The following LIMS1 variants were observed in gnomAD, a reference collection of about 807,000 sequenced individuals.
LIMS1 encodes LIM and senescent cell antigen-like-containing domain protein 1.
Under a neutral mutation model 44.1 loss-of-function variants are expected in LIMS1, and 18 were observed. The observed-to-expected ratio is 0.41, with a 90% CI of 0.28 to 0.61. LIMS1 has a LOEUF of 0.61. Ranked by LOEUF, LIMS1 falls within the 20% of genes least tolerant of loss-of-function variation. The probability of loss-of-function intolerance (pLI) is 0.32; values close to 1 mark genes in which losing one functional copy is unlikely to be tolerated. For synonymous variants in LIMS1, 93 were observed against 149.1 expected (o/e 0.62, Z 2.74); for missense variants, 201 against 422.0 (o/e 0.48, Z 4.59).
At chr2:108,643,710 A>G (rs192756241) in intron 1 of LIMS1, among the ~76,000 whole-genome samples, 1 of 152,292 alleles carries the variant, frequency 6.6e-6, no homozygotes, top group Admixed American at 6.5e-5. Flanking sequence ...CAGGGAGCCA[A>G]GAGGTCTGGC....
chr2:108,597,634 T>A (rs1408718685), intron 1 of LIMS1, among the ~76,000 whole-genome samples: 1 of 152,034 alleles, frequency 6.6e-6, no homozygotes, highest in Non-Finnish European at 1.5e-5. Flanking sequence ...ACTAAAAGAA[T>A]TTCTTTGTGC....
intron 1 of LIMS1, among the ~76,000 whole-genome samples, chr2:108,626,410 A>C (rs1486268391): frequency 6.6e-6 from 1 of 152,050 alleles, no homozygotes; most frequent in Non-Finnish European, 1.5e-5. Context: ...AAAGAGAAAA[A>C]CCACTTGCTA....
At chr2:108,674,203 G>A (rs938268883) in intron 5 of LIMS1, among the ~76,000 whole-genome samples, 6 of 151,912 alleles carry the variant, frequency 3.9e-5, no homozygotes, top group African/African-American at 7.3e-5. Flanking sequence ...GGTGGCGGGT[G>A]CCTATAGTCC....
At chr2:108,543,637 A>G (rs915439738) in intron 1 of LIMS1, among the ~76,000 whole-genome samples, 105 of 152,206 alleles carry the variant, frequency 6.9e-4, no homozygotes, top group Admixed American at 3.3e-4. Flanking sequence ...AAGTAAATCT[A>G]CTGAGGATCC....
chr2:108,677,814 A>C (rs961407654), intron 7 of LIMS1, among the ~76,000 whole-genome samples, 165 bp from the exon 8 acceptor site: 1 of 152,272 alleles, frequency 6.6e-6, no homozygotes, highest in African/African-American at 2.4e-5. Flanking sequence ...AATTGATGAG[A>C]GTGAATTACT....
chr2:108,551,291 CTA>C (rs893773624), intron 1 of LIMS1, among the ~76,000 whole-genome samples: 27 of 146,346 alleles, frequency 1.8e-4, no homozygotes, highest in African/African-American at 6.0e-4. Context: ...TTCACTCATA[CTA>C]TATATATATA....
At chr2:108,663,719 T>C (rs1244157858) in intron 2 of LIMS1, among the ~76,000 whole-genome samples, 3 of 152,160 alleles carry the variant, frequency 2.0e-5, no homozygotes. Flanking sequence ...ACAAAATGCA[T>C]TAACAGTAAA....
Position 108,672,869 on chromosome 2 carries a change from ACT to A in LIMS1, c.381-8_381-7del. On this transcript the variant is annotated splice_polypyrimidine_tract_variant and intron_variant, in intron 4 of 9. Transcript: ENST00000544547. ...CCTAAAATTTTAAATTTAAGTTTTG[ACT>A]CTGTTTAGACACCTGTGTCGCCCCT... 1 of 676,764 alleles carries A rather than the reference ACT, an allele frequency of 1.5e-6. No homozygotes were observed. Among genetic ancestry groups the A allele is most frequent in the Non-Finnish European group, 2.3e-6 (1 of 435,540 alleles). The allele number at this position is 676,764 out of a possible 1,614,324, so 41.9% of individuals were successfully genotyped here.
At chr2:108,626,707 T>A (rs559040586) in intron 1 of LIMS1, among the ~76,000 whole-genome samples, 2 of 152,226 alleles carry the variant, frequency 1.3e-5, no homozygotes, top group Non-Finnish European at 2.9e-5. Flanking sequence ...CTCTTTACAC[T>A]CTACTTTTTA....
rs1383764092 is a variant in LIMS1 at position 108,601,614 on chromosome 2, T to C, written c.33-57991T>C. Among the ~76,000 whole-genome samples the C allele has an allele frequency of 2.6e-5, 4 of 152,276 alleles. No homozygotes were observed. The East Asian group carries it at 7.7e-4, about 29-fold the overall frequency. Reference sequence around the variant, plus strand: ...ACCTGTTTCAGGACTTAGTGACCATTGTTTGTGTCCATGTTCAATTGAGTT... The same window carrying C: ...ACCTGTTTCAGGACTTAGTGACCATCGTTTGTGTCCATGTTCAATTGAGTT... On this transcript the variant is annotated intron_variant, in intron 1 of 9. Transcript: ENST00000544547.
At chr2:108,556,961 G>T (rs1202459222) in intron 1 of LIMS1, among the ~76,000 whole-genome samples, 1 of 152,164 alleles carries the variant, frequency 6.6e-6, no homozygotes, top group Non-Finnish European at 1.5e-5. Context: ...TAGAAGCAGG[G>T]ATCCCCCTGA....
chr2:108,684,478 A>G (rs1693205339), exon 10 of LIMS1: 1 of 152,168 alleles, frequency 6.6e-6, no homozygotes, highest in Admixed American at 6.5e-5. Context: ...ATCTTAGTAT[A>G]TTTATCAAAC....
chr2:108,675,097 G>A (rs559997658), intron 5 of LIMS1, among the ~76,000 whole-genome samples: 2 of 152,070 alleles, frequency 1.3e-5, no homozygotes, highest in Non-Finnish European at 2.9e-5. Context: ...ATAATTGTTA[G>A]TAAATGGAAC....
chr2:108,663,978 T>C (rs62151368), intron 2 of LIMS1, among the ~76,000 whole-genome samples: 13,228 of 152,138 alleles, frequency 0.087, 648 homozygotes, highest in South Asian at 0.2. Context: ...GGTCTCAAAC[T>C]CCCGACCTCA....
chr2:108,573,320 T>TTC (rs1553454111), intron 1 of LIMS1, among the ~76,000 whole-genome samples: 1 of 150,558 alleles, frequency 6.6e-6, no homozygotes, highest in East Asian at 2.0e-4. Flanking sequence ...TTTTTTTTTT[T>TTC]CTACTGGGTA....
At chr2:108,632,794 A>T (rs1689006481) in intron 1 of LIMS1, among the ~76,000 whole-genome samples, 1 of 152,232 alleles carries the variant, frequency 6.6e-6, no homozygotes, top group Non-Finnish European at 1.5e-5. Context: ...GGCTACTTAA[A>T]TGTAGATGAA....
At chr2:108,622,484 A>C (rs1688302028) in intron 1 of LIMS1, among the ~76,000 whole-genome samples, 1 of 152,154 alleles carries the variant, frequency 6.6e-6, no homozygotes, top group African/African-American at 2.4e-5. Context: ...AAAATTGTTG[A>C]CTCACCAATT....
intron 1 of LIMS1, among the ~76,000 whole-genome samples, chr2:108,636,466 C>G (rs1028507719): frequency 1.3e-5 from 2 of 152,212 alleles, no homozygotes; most frequent in Admixed American, 6.5e-5. Context: ...GAGCTTTGCC[C>G]AGGGAGCAGG....
Position 108,645,333 on chromosome 2 carries a change from A to G in LIMS1, c.33-14272A>G, listed in dbSNP as rs369143069. 3.9e-4 allele frequency among the ~76,000 whole-genome samples: 60 copies of G among 152,340 alleles called. No homozygotes were observed. The East Asian group carries it at 7.5e-3, about 19-fold the overall frequency. On this transcript the variant is annotated intron_variant, in intron 1 of 9. Coordinates refer to ENST00000544547, the Ensembl canonical transcript of LIMS1. ...TACAAGCCAGAAGAGAGTGGGGGCC[A>G]ATATTCAAAATTCTTAAAGGAAAGA...
Sources: gnomAD v4.1 joint callset for allele counts (sites outside exome capture counted in the v4.1 genomes callset) on GRCh38, gnomAD v4.1.1 for gene constraint, MANE v1.5 for transcripts, NCBI Gene and HGNC (gene_info 2026-07-23, HGNC 2026-07-21) for gene names.